The following NBAS variants were observed in gnomAD, a reference collection of about 807,000 sequenced individuals.
NBAS encodes the protein NBAS subunit of NRZ tethering complex.
Under a neutral mutation model 302.5 loss-of-function variants are expected in NBAS, and 219 were observed. The ratio of observed to expected loss-of-function variants is 0.72; its 90% CI spans 0.65 to 0.81. NBAS has a LOEUF of 0.81. Ranked by LOEUF, NBAS falls within the 30% of genes least tolerant of loss-of-function variation. The pLI, the probability that NBAS is intolerant of heterozygous loss-of-function variation, is 0.00. For missense variants in NBAS, 2,932 were observed against 2,841.6 expected, an observed-to-expected ratio of 1.03 and a Z score of -0.72; for synonymous variants, 1,118 against 1,021.6, an observed-to-expected ratio of 1.09 and a Z score of -1.80.
At chr2:14,930,526 C>T in the NBAS span, among the ~76,000 whole-genome samples, 2 of 152,152 alleles carry the variant, frequency 1.3e-5, no homozygotes, top group African/African-American at 4.8e-5. Context: ...TCTGATAGAA[C>T]AGAATTGAGG....
chr2:14,986,391 A>G, the NBAS span, among the ~76,000 whole-genome samples: 6 of 152,132 alleles, frequency 3.9e-5, no homozygotes, highest in African/African-American at 1.4e-4. Context: ...AAGGTTGTTA[A>G]ACAATTAATC....
chr2:15,383,219 T>C lies in NBAS; in HGVS notation c.3356A>G (p.Tyr1119Cys), dbSNP rs762888963. 7.4e-6 allele frequency: 12 copies of C among 1,612,550 alleles called. No homozygotes were observed. Among genetic ancestry groups the C allele is most frequent in the Middle Eastern group, 3.3e-4 (2 of 6,076 alleles). Residue 1119 changes from tyrosine (Y) to cysteine (C), a missense_variant, in exon 29 of 52, where the codon TAT becomes TGT. Physicochemically the swap from Tyr to Cys is radical, Grantham distance 194. Coordinates refer to ENST00000281513, the MANE Select transcript of NBAS (RefSeq NM_015909.4). ...VYTCLDSDAC[Y>C]EIFTESLLCS... is the part of the protein sequence containing the mutation. ...CGTATATGGTTCTAGAGTTACCTCA[T>C]AGCAGGCATCAGAATCTAGACATGT...
chr2:14,843,574 A>ACC, the NBAS span, among the ~76,000 whole-genome samples: 1 of 139,030 alleles, frequency 7.2e-6, no homozygotes, highest in African/African-American at 3.3e-5. Flanking sequence ...ACACACACAC[A>ACC]CACACACAAA....
At chr2:15,170,339 G>C (rs1209617821) in intron 51 of NBAS, among the ~76,000 whole-genome samples, 1 of 152,226 alleles carries the variant, frequency 6.6e-6, no homozygotes, top group African/African-American at 2.4e-5. Context: ...GCAAGGGGTG[G>C]GGAAGGGCAG....
the NBAS span, among the ~76,000 whole-genome samples, chr2:14,925,537 A>G: frequency 6.6e-6 from 1 of 152,222 alleles, no homozygotes; most frequent in Admixed American, 6.5e-5. Flanking sequence ...GAGATGGTCC[A>G]AAGCACTCTG....
the NBAS span, among the ~76,000 whole-genome samples, chr2:15,059,958 A>G: frequency 1.0e-5 from 1 of 96,282 alleles, no homozygotes; most frequent in African/African-American, 7.2e-5. Context: ...AAAAAAAAAA[A>G]AAAAACAAAA....
At chr2:15,275,407 T>C in intron 44 of NBAS, 77 bp downstream of exon 44, 1 of 1,416,558 alleles carries the variant, frequency 7.1e-7, no homozygotes, top group Non-Finnish European at 9.6e-7. Flanking sequence ...GAAACAAAAA[T>C]AAAATCTACA....
chr2:15,466,405 T>C (rs180839434), intron 19 of NBAS, among the ~76,000 whole-genome samples: 2 of 152,292 alleles, frequency 1.3e-5, no homozygotes, highest in East Asian at 3.9e-4. Context: ...ATAAGAGTCA[T>C]GTGAAAAAGC....
chr2:15,435,249 A>C (rs1677954366), intron 21 of NBAS, among the ~76,000 whole-genome samples: 1 of 152,200 alleles, frequency 6.6e-6, no homozygotes, highest in Non-Finnish European at 1.5e-5. Context: ...CATCTTACCA[A>C]AAAAGCACAG....
At chr2:15,220,138 C>A (rs1666881043) in intron 47 of NBAS, among the ~76,000 whole-genome samples, 2 of 149,300 alleles carry the variant, frequency 1.3e-5, no homozygotes, top group African/African-American at 4.9e-5. Context: ...GGCTGACCCC[C>A]CCACCTCCCT....
chr2:14,993,559 A>G, the NBAS span, among the ~76,000 whole-genome samples: 3,718 of 152,284 alleles, frequency 0.024, 162 homozygotes, highest in African/African-American at 0.085. Flanking sequence ...CGATACTCTA[A>G]TTGGTCCAAA....
intron 19 of NBAS, among the ~76,000 whole-genome samples, chr2:15,463,010 C>T (rs1379749924): frequency 2.0e-5 from 3 of 152,304 alleles, no homozygotes; most frequent in Non-Finnish European, 4.4e-5. Flanking sequence ...TGGTGGCTCA[C>T]GCCTGTAATC....
the NBAS span, among the ~76,000 whole-genome samples, chr2:14,904,506 ATGACAGGC>A: frequency 6.6e-6 from 1 of 152,278 alleles, no homozygotes; most frequent in Middle Eastern, 3.4e-3. Flanking sequence ...TTCTTCCAGT[ATGACAGGC>A]TGATAGGCTG....
chr2:15,407,954 T>TCTCAAGGCCC (rs1676498938), intron 25 of NBAS, among the ~76,000 whole-genome samples: 1 of 152,140 alleles, frequency 6.6e-6, no homozygotes, highest in African/African-American at 2.4e-5. Flanking sequence ...ACACTACTTG[T>TCTCAAGGCCC]CTCAAGGCCC....
At chr2:15,010,366 G>A in the NBAS span, among the ~76,000 whole-genome samples, 1 of 152,286 alleles carries the variant, frequency 6.6e-6, no homozygotes, top group South Asian at 2.1e-4. Context: ...AGGAGTCTCT[G>A]GGAACAGAGG....
the NBAS span, among the ~76,000 whole-genome samples, chr2:14,852,669 C>G: frequency 6.9e-6 from 1 of 145,818 alleles, no homozygotes. Context: ...TGACTTCAAA[C>G]TATACTACAA....
the NBAS span, among the ~76,000 whole-genome samples, chr2:15,030,787 A>G: frequency 6.6e-6 from 1 of 152,176 alleles, no homozygotes; most frequent in African/African-American, 2.4e-5. Flanking sequence ...TGTGCATGGT[A>G]GGATGTAGAG....
the NBAS span, among the ~76,000 whole-genome samples, chr2:14,865,536 A>G: frequency 8.3e-4 from 126 of 152,292 alleles, 1 homozygote; most frequent in Non-Finnish European, 1.4e-3. Context: ...TAGGCTTAAA[A>G]AGAAAATCCC....
chr2:15,420,516 T>G (rs1677160683), intron 23 of NBAS, among the ~76,000 whole-genome samples: 1 of 151,784 alleles, frequency 6.6e-6, no homozygotes, highest in Admixed American at 6.6e-5. Flanking sequence ...ACAAGGGATG[T>G]GAATTTTATG....
Sources: gnomAD v4.1 joint callset for allele counts (sites outside exome capture counted in the v4.1 genomes callset) on GRCh38, gnomAD v4.1.1 for gene constraint, MANE v1.5 for transcripts, NCBI Gene and HGNC (gene_info 2026-07-23, HGNC 2026-07-21) for gene names.